ETFA: variants seen among roughly 807,000 people sequenced by gnomAD.
ETFA encodes electron transfer flavoprotein subunit alpha.
ETFA carries 22 observed loss-of-function variants against 46.2 expected under a neutral mutation model. That is an observed-to-expected ratio of 0.48 (90% CI 0.34 to 0.68). The LOEUF (loss-of-function observed/expected upper bound fraction) is 0.68, where lower values mean the gene tolerates loss of function less well. Ranked by LOEUF, ETFA falls within the 30% of genes least tolerant of loss-of-function variation. The probability of loss-of-function intolerance (pLI) is 0.01; values close to 1 mark genes in which losing one functional copy is unlikely to be tolerated. For synonymous variants in ETFA, 131 were observed against 139.9 expected, an observed-to-expected ratio of 0.94 and a Z score of 0.45; for missense variants, 345 against 401.1, an observed-to-expected ratio of 0.86 and a Z score of 1.19.
At chr15:76,228,194 A>G (rs2039024967) in intron 10 of ETFA, 1 of 355,602 alleles carries the variant, frequency 2.8e-6, no homozygotes, top group African/African-American at 2.1e-5. Context: ...TGTTATTATC[A>G]TTATTACTTT....
intron 9 of ETFA, among the ~76,000 whole-genome samples, chr15:76,251,636 T>C (rs1273274108): frequency 2.0e-5 from 3 of 152,044 alleles, no homozygotes; most frequent in Non-Finnish European, 4.4e-5. Flanking sequence ...CTCAGGAAAA[T>C]GAGAAAGGGC....
At chr15:76,231,929 T>C (rs2039070647) in intron 9 of ETFA, among the ~76,000 whole-genome samples, 1 of 152,210 alleles carries the variant, frequency 6.6e-6, no homozygotes, top group African/African-American at 2.4e-5. Context: ...GATATGTTTA[T>C]TAAACTTTGT....
At position 76,267,984 on chromosome 15, in the gene ETFA, G is replaced by A. The variant is rs190407260; in HGVS notation, c.816+6428C>T. On this transcript the variant is annotated intron_variant, in intron 9 of 11. Transcript: ENST00000557943. Reference sequence around the variant, plus strand: ...AGCATCTAGTGGACCCACCTGTACAGTGCAAATTGAAGGTTTAAGGATTGC... The same window carrying A: ...AGCATCTAGTGGACCCACCTGTACAATGCAAATTGAAGGTTTAAGGATTGC... Among the ~76,000 whole-genome samples, 11 of 152,192 alleles carry A rather than the reference G, an allele frequency of 7.2e-5. No homozygotes were observed. In the East Asian group the frequency reaches 2.1e-3, roughly 30 times the overall value.
At chr15:76,259,305 T>C in intron 9 of ETFA, 1 of 1,587,626 alleles carries the variant, frequency 6.3e-7, no homozygotes, top group African/African-American at 1.3e-5. Flanking sequence ...GTTCTCCAGT[T>C]CCATTCGCAG....
intron 9 of ETFA, among the ~76,000 whole-genome samples, chr15:76,237,551 G>A (rs2039138776): frequency 6.6e-6 from 1 of 152,180 alleles, no homozygotes; most frequent in Non-Finnish European, 1.5e-5. Context: ...GCATTCTTGA[G>A]CAAATTATTC....
At chr15:76,238,985 A>G (rs1161750392) in intron 9 of ETFA, among the ~76,000 whole-genome samples, 4 of 152,218 alleles carry the variant, frequency 2.6e-5, no homozygotes, top group African/African-American at 9.6e-5. Flanking sequence ...TATCCCATCC[A>G]TGAGACAACA....
At chr15:76,291,152 G>A (rs2039757439) in intron 4 of ETFA, among the ~76,000 whole-genome samples, 1 of 152,136 alleles carries the variant, frequency 6.6e-6, no homozygotes, top group African/African-American at 2.4e-5. Context: ...CAAGTTGGAG[G>A]GTATGTTGAG....
rs1202119578 is a variant in ETFA at position 76,286,386 on chromosome 15, C to A, written c.547G>T (p.Ala183Ser). The change falls in exon 6 of 12, where the codon GCC (alanine) becomes TCC (serine). Residue 183 changes from alanine (A) to serine (S), a missense_variant. By Grantham distance (99) the Ala-to-Ser change is moderately conservative. Coordinates refer to ENST00000557943, the MANE Select transcript of ETFA (RefSeq NM_000126.4). ...FDAAATSGGS[A>S]SSEKASSTSP... is the part of the protein sequence containing the mutation. ...GAACACTCACCCTTTTCTGAACTGG[C>A]ACTACCGCCACTTGTTGCTGCAGCA... 1 of 1,609,642 alleles carries A rather than the reference C, an allele frequency of 6.2e-7. No individual in the cohort carries two copies. The highest frequency in any genetic ancestry group is 8.5e-7 in the Non-Finnish European group (1 of 1,176,042).
intron 2 of ETFA, among the ~76,000 whole-genome samples, chr15:76,293,499 T>G (rs1596223442): frequency 6.6e-6 from 1 of 152,250 alleles, no homozygotes; most frequent in South Asian, 2.1e-4. Context: ...TCATTTTTCC[T>G]GTTTGGAATT....
At chr15:76,256,825 T>C (rs938081048) in intron 9 of ETFA, among the ~76,000 whole-genome samples, 3 of 152,220 alleles carry the variant, frequency 2.0e-5, no homozygotes, top group Non-Finnish European at 4.4e-5. Flanking sequence ...TATTAACTTT[T>C]TATGTTTAGA....
At chr15:76,231,889 C>T (rs1567197831) in intron 9 of ETFA, among the ~76,000 whole-genome samples, 1 of 152,062 alleles carries the variant, frequency 6.6e-6, no homozygotes, top group African/African-American at 2.4e-5. Context: ...CGCCTTATCA[C>T]AAAAGGATAT....
intron 9 of ETFA, among the ~76,000 whole-genome samples, chr15:76,268,595 T>C (rs1372656733): frequency 6.6e-6 from 1 of 152,152 alleles, no homozygotes; most frequent in African/African-American, 2.4e-5. Flanking sequence ...CCTTCTACCC[T>C]AAATACAAGA....
intron 1 of ETFA, among the ~76,000 whole-genome samples, chr15:76,297,922 G>A (rs529814864): frequency 1.7e-4 from 26 of 151,974 alleles, no homozygotes; most frequent in African/African-American, 2.4e-4. Flanking sequence ...ATGGTTATGC[G>A]GCTTAATTCA....
At chr15:76,260,111 G>A (rs574854548) in intron 9 of ETFA, 7 of 1,483,312 alleles carry the variant, frequency 4.7e-6, no homozygotes, top group Admixed American at 1.7e-5. Flanking sequence ...TGGGCCTACC[G>A]CACTGAACCA....
At chr15:76,263,579 C>A (rs1567208119) in intron 9 of ETFA, among the ~76,000 whole-genome samples, 2 of 152,196 alleles carry the variant, frequency 1.3e-5, no homozygotes. Flanking sequence ...CTCTTTAGTA[C>A]AGTAAAGCAG....
At chr15:76,294,291 C>A (rs1208873273) in intron 2 of ETFA, among the ~76,000 whole-genome samples, 1 of 151,990 alleles carries the variant, frequency 6.6e-6, no homozygotes, top group Non-Finnish European at 1.5e-5. Context: ...AACAGGGAAA[C>A]CAAAAAGATA....
At chr15:76,292,339 G>T in intron 4 of ETFA, 92 bp downstream of exon 4, 1 of 850,018 alleles carries the variant, frequency 1.2e-6, no homozygotes, top group South Asian at 1.3e-5. Flanking sequence ...ATCCAGATTG[G>T]CTACATAAAC....
At position 76,216,617 on chromosome 15, in the gene ETFA, GTAAT is replaced by G; in HGVS notation, c.964-24_964-21del. 1.3e-6 allele frequency: 2 copies of G among 1,524,898 alleles called. No individual in the cohort carries two copies. The highest frequency in any genetic ancestry group is 1.8e-6 in the Non-Finnish European group (2 of 1,098,780). The allele number at this position is 1,524,898 out of a possible 1,614,324, so 94.5% of individuals were successfully genotyped here. A position where few individuals can be genotyped will look rare whatever the true frequency, so the allele number is the denominator to read the frequency against. Reference sequence around the variant, plus strand: ...AACTACCTGCAAATAAAAACAAAAAGTAATTAAGCAACTAGAGCCTTCACTGTGA... The same window carrying G: ...AACTACCTGCAAATAAAAACAAAAAGTAAGCAACTAGAGCCTTCACTGTGA... On this transcript the variant is annotated intron_variant, in intron 11 of 11. Transcript: ENST00000557943.
Position 76,297,989 on chromosome 15 carries a change from G to A in ETFA, c.40-2252C>T, listed in dbSNP as rs192361721. Among the ~76,000 whole-genome samples, 200 of 152,122 alleles carry A rather than the reference G, an allele frequency of 1.3e-3. 2 individuals carry two copies. Among genetic ancestry groups the A allele is most frequent in the African/African-American group, 4.5e-3 (186 of 41,510 alleles). ...AGAAATTGGCCTGAACTTTTAAAAT[G>A]TTATTCTACAATCTAAAGCCCATCT... is the stretch of plus-strand genomic sequence containing the variant. On this transcript the variant is annotated intron_variant, in intron 1 of 11. Coordinates refer to ENST00000557943, the MANE Select transcript of ETFA (RefSeq NM_000126.4).
Sources: gnomAD v4.1 joint callset for allele counts (sites outside exome capture counted in the v4.1 genomes callset) on GRCh38, gnomAD v4.1.1 for gene constraint, MANE v1.5 for transcripts, NCBI Gene and HGNC (gene_info 2026-07-23, HGNC 2026-07-21) for gene names.